MYH2: variants seen among roughly 807,000 people sequenced by gnomAD.
MYH2 encodes myosin-2.
In MYH2, 139 loss-of-function variants were observed where a neutral mutation model predicts 228.1. The observed-to-expected ratio is 0.61, with a 90% CI of 0.53 to 0.70. The LOEUF (loss-of-function observed/expected upper bound fraction) is 0.70, where lower values mean the gene tolerates loss of function less well. Among genes scored for constraint, MYH2 ranks in the 30% least tolerant of loss-of-function variants. The pLI, the probability that MYH2 is intolerant of heterozygous loss-of-function variation, is 0.00. For missense variants in MYH2, 1,809 were observed against 2,357.5 expected (o/e 0.77, Z 4.82); for synonymous variants, 796 against 871.1 (o/e 0.91, Z 1.52).
chr17:10,549,061 A>T (rs2073669515), intron 2 of MYH2, among the ~76,000 whole-genome samples: 1 of 152,246 alleles, frequency 6.6e-6, no homozygotes, highest in Admixed American at 6.5e-5. Flanking sequence ...TTCTAACAGC[A>T]GGATACATTT....
At position 10,545,484 on chromosome 17, in the gene MYH2, A is replaced by G. The variant is rs758722222; in HGVS notation, c.367T>C (p.Cys123Arg). The change falls in exon 5 of 40, where the codon TGT becomes CGT. Residue 123 changes from cysteine (C) to arginine (R), a missense_variant. Physicochemically the swap from Cys to Arg is radical, Grantham distance 180. Coordinates refer to ENST00000245503, the MANE Select transcript of MYH2 (RefSeq NM_017534.6). ...WMIYTYSGLF[C>R]VTVNPYKWLP... ...CACTTGTAGGGGTTGACAGTGACAC[A>G]GAAGAGACCTGAATAGGTCTATGAG... The G allele has an allele frequency of 6.2e-7, 1 of 1,614,212 alleles. No homozygotes were observed. Among genetic ancestry groups the G allele is most frequent in the Non-Finnish European group, 8.5e-7 (1 of 1,180,032 alleles).
Position 10,528,710 on chromosome 17 carries a change from C to A in MYH2, c.3724G>T (p.Glu1242Ter). ...MEIDDLASNV[E>*]TVSKAKGNLE... ...AGTACCTTGGCTTTGGAGACCGTTTCTACATTACTAGCAAGGTCATCAATC... is the reference window on the plus strand; with the variant it reads ...AGTACCTTGGCTTTGGAGACCGTTTATACATTACTAGCAAGGTCATCAATC... The change falls in exon 27 of 40, where the codon GAA becomes TAA. Residue 1242 changes from glutamate to a stop codon, truncating the protein, a stop_gained. Coordinates refer to ENST00000245503, the MANE Select transcript of MYH2 (RefSeq NM_017534.6). LOFTEE classifies it high-confidence loss of function. 1.9e-6 allele frequency: 3 copies of A among 1,614,068 alleles called. No individual in the cohort carries two copies. Among genetic ancestry groups the A allele is most frequent in the Non-Finnish European group, 2.5e-6 (3 of 1,179,958 alleles).
At chr17:10,545,698 G>C (rs368821313) in intron 4 of MYH2, among the ~76,000 whole-genome samples, 196 bp from the exon 5 acceptor site, 1 of 152,072 alleles carries the variant, frequency 6.6e-6, no homozygotes, top group East Asian at 1.9e-4. Context: ...CCAAGTAGCT[G>C]GTACTACAGG....
intron 28 of MYH2, among the ~76,000 whole-genome samples, chr17:10,527,546 C>T (rs1176469269): frequency 2.0e-5 from 3 of 152,250 alleles, no homozygotes; most frequent in African/African-American, 7.2e-5. Context: ...CATTCTGGAA[C>T]AGAGCTTGAT....
rs2073650635 is a variant in MYH2, at chr17:10,547,494, T to G, written c.329A>C (p.Tyr110Ser). ...ACTCACGTAGATCATCCAGGCTGCA[T>G]AACGTTCTTTGAGGTTGTACAGCAC... ...PAVLYNLKER[Y>S]AAWMIYTYSG... The change falls in exon 4 of 40, where the codon TAT becomes TCT. Residue 110 changes from tyrosine to serine, a missense_variant. Physicochemically the swap from Tyr to Ser is moderately radical, Grantham distance 144 (BLOSUM62 -2). Coordinates refer to ENST00000245503, the MANE Select transcript of MYH2 (RefSeq NM_017534.6). 1 of 1,614,030 alleles carries G rather than the reference T, an allele frequency of 6.2e-7. No individual in the cohort carries two copies. Among genetic ancestry groups the G allele is most frequent in the African/African-American group, 1.3e-5 (1 of 74,906 alleles).
At chr17:10,535,861 G>C (rs1401417535) in intron 17 of MYH2, among the ~76,000 whole-genome samples, 1 of 152,118 alleles carries the variant, frequency 6.6e-6, no homozygotes, top group African/African-American at 2.4e-5. Context: ...ATTGAAAATT[G>C]ACTCGATTAA....
intron 10 of MYH2, 68 bp downstream of exon 10, chr17:10,542,807 C>A: frequency 1.0e-6 from 1 of 1,003,150 alleles, no homozygotes; most frequent in Non-Finnish European, 1.5e-6. Flanking sequence ...TCATAGAATA[C>A]TAGGTTGGAC....
intron 4 of MYH2, 39 bp from the exon 5 acceptor site, chr17:10,545,541 C>T (rs1176116816): frequency 6.2e-7 from 1 of 1,610,748 alleles, no homozygotes; most frequent in East Asian, 2.2e-5. Flanking sequence ...AAAGACCTTT[C>T]CTGTTATTTG....
chr17:10,523,669 A>T lies in MYH2; in HGVS notation c.5302-3T>A, dbSNP rs779598907. On this transcript the variant is annotated splice_region_variant and splice_polypyrimidine_tract_variant and intron_variant, in intron 36 of 39. Transcript: ENST00000245503. ...AGCTCCTCAGCCATCATGGCGGCCT[A>T]AATAGCAAATAAATCAAGAAAACCA... 1 of 1,614,218 alleles carries T rather than the reference A, an allele frequency of 6.2e-7. No homozygotes were observed. The highest frequency in any genetic ancestry group is 8.5e-7 in the Non-Finnish European group (1 of 1,180,054).
At position 10,537,495 on chromosome 17, in the gene MYH2, C is replaced by T; in HGVS notation, c.1635G>A (p.Lys545=). ...SILEEECMFP[K]ATDTSFKNKL... ...TGTTCTTGAAGGAGGTGTCTGTTGC[C>T]TTAGGGAACATGCACTCCTCTTCCA... Residue 545 remains lysine (K), a synonymous_variant, in exon 16 of 40, where the codon AAG becomes AAA. Coordinates refer to ENST00000245503, the MANE Select transcript of MYH2 (RefSeq NM_017534.6). The surrounding 1 kb of genome is among the most constrained non-coding windows in gnomAD (Gnocchi z 4.0). 1.2e-6 allele frequency: 2 copies of T among 1,614,170 alleles called. No homozygotes were observed. The highest frequency in any genetic ancestry group is 1.7e-6 in the Non-Finnish European group (2 of 1,180,028).
intron 22 of MYH2, 96 bp from the exon 23 acceptor site, chr17:10,530,170 C>T: frequency 1.9e-6 from 3 of 1,603,250 alleles, no homozygotes; most frequent in Non-Finnish European, 2.6e-6. Context: ...TTTGAATTTC[C>T]TATATTCATT....
Position 10,545,396 on chromosome 17 carries a change from G to A in MYH2, c.455C>T (p.Pro152Leu). ...AYRGKKRQEA[P>L]PHIFSISDNA... The stretch of plus-strand genomic sequence containing the variant: ...GTCAGAGATGGAGAAGATGTGGGGC[G>A]GGGCCTCCTGGCGCTTTTTGCCTCG... Residue 152 changes from proline (P) to leucine (L), a missense_variant, in exon 5 of 40, where the codon CCG (proline) becomes CTG (leucine). Physicochemically the swap from Pro to Leu is moderately conservative, Grantham distance 98. Coordinates refer to ENST00000245503, the MANE Select transcript of MYH2 (RefSeq NM_017534.6). 6.2e-7 allele frequency: 1 copy of A among 1,614,076 alleles called. No individual in the cohort carries two copies. The highest frequency in any genetic ancestry group is 8.5e-7 in the Non-Finnish European group (1 of 1,180,004).
intron 5 of MYH2, 97 bp from the exon 6 acceptor site, chr17:10,544,224 G>A (rs1042670551): frequency 1.4e-6 from 2 of 1,479,974 alleles, no homozygotes; most frequent in African/African-American, 2.8e-5. Context: ...ATTCAGTCTG[G>A]ACTTTGCAAC....
At chr17:10,546,303 A>G (rs2073631963) in intron 4 of MYH2, among the ~76,000 whole-genome samples, 1 of 137,632 alleles carries the variant, frequency 7.3e-6, no homozygotes. Flanking sequence ...CATGATTACA[A>G]TAGGGGGATT....
chr17:10,526,870 G>T (rs1372840009), intron 29 of MYH2, 68 bp downstream of exon 29: 25 of 1,613,550 alleles, frequency 1.5e-5, no homozygotes, highest in Non-Finnish European at 1.4e-5. Flanking sequence ...CCTTTTGAAA[G>T]CTGGTATAAC....
intron 28 of MYH2, 137 bp downstream of exon 28, chr17:10,527,611 A>G (rs1200119128): frequency 2.2e-6 from 3 of 1,344,478 alleles, no homozygotes; most frequent in Non-Finnish European, 3.2e-6. Flanking sequence ...CCTTGCACAT[A>G]GGTCAGGTGT....
In MYH2 at chr17:10,524,395, T is replaced by C. The variant is rs767756077; in HGVS notation, c.5175+71A>G. The C allele has an allele frequency of 2.5e-6, 4 of 1,597,730 alleles. No individual in the cohort carries two copies. The highest frequency in any genetic ancestry group is 1.7e-5 in the Admixed American group (1 of 60,002). ...AGACATATTAGGTCTAGCTGTCTTATGAAAACTCAGGCTTATCTATTCTGG... is the reference window on the plus strand; with the variant it reads ...AGACATATTAGGTCTAGCTGTCTTACGAAAACTCAGGCTTATCTATTCTGG... On this transcript the variant is annotated intron_variant, in intron 35 of 39. Transcript: ENST00000245503. The surrounding 1 kb of genome is among the most constrained non-coding windows in gnomAD (Gnocchi z 4.7).
chr17:10,544,566 G>A (rs78718556), intron 5 of MYH2, among the ~76,000 whole-genome samples: 1,970 of 152,298 alleles, frequency 0.013, 42 homozygotes, highest in African/African-American at 0.045. Flanking sequence ...GGTGCAAGGC[G>A]TAATGAAGAA....
In MYH2 at chr17:10,533,274, AT is replaced by A. The variant is rs765025828; in HGVS notation, c.2441+10del. ...GAAGATGGAATATGTGAATAAACAT[AT>A]TTTTTATACCTTCTCTCCACCATCC... On this transcript the variant is annotated intron_variant, in intron 21 of 39. Transcript: ENST00000245503. The A allele has an allele frequency of 1.9e-6, 3 of 1,613,996 alleles. No homozygotes were observed. In the East Asian group the frequency reaches 6.7e-5, roughly 36 times the overall value.
Sources: gnomAD v4.1 joint callset for allele counts (sites outside exome capture counted in the v4.1 genomes callset) on GRCh38, gnomAD v4.1.1 for gene constraint, Gnocchi (gnomAD v3.1) non-coding constraint, MANE v1.5 for transcripts, NCBI Gene and HGNC (gene_info 2026-07-23, HGNC 2026-07-21) for gene names.